ZDHHC19: variants seen among roughly 807,000 people sequenced by gnomAD.
The protein encoded by ZDHHC19 is zDHHC palmitoyltransferase 19, also known as palmitoyltransferase ZDHHC19.
A neutral mutation model predicts 33.9 loss-of-function variants in ZDHHC19; 30 were observed. The observed-to-expected ratio is 0.88, with a 90% CI of 0.66 to 1.20. The LOEUF is 1.20. ZDHHC19 is among the 50% of genes most tolerant of loss of function. The pLI, the probability that ZDHHC19 is intolerant of heterozygous loss-of-function variation, is 0.00. For missense variants in ZDHHC19, 364 were observed against 401.1 expected (o/e 0.91, Z 0.79); for synonymous variants, 178 against 167.6 (o/e 1.06, Z -0.48).
Position 196,203,977 on chromosome 3 carries a change from G to A in ZDHHC19, c.687+3421C>T, listed in dbSNP as rs965495557. Among the ~76,000 whole-genome samples, 1 of 152,016 alleles carries A rather than the reference G, an allele frequency of 6.6e-6. No individual in the cohort carries two copies. Among genetic ancestry groups the A allele is most frequent in the African/African-American group, 2.4e-5 (1 of 41,282 alleles). ...CATCAGTTTTCCTAGAACAGCCAGT[G>A]ACCTGCTGAAGGAGTCTCATGGCGC... On this transcript the variant is annotated intron_variant, in intron 5 of 7. Transcript: ENST00000296326. The surrounding 1 kb of genome is among the most constrained non-coding windows in gnomAD (Gnocchi z 4.3).
In ZDHHC19 at chr3:196,200,504, G is replaced by A. The variant is rs919205458; in HGVS notation, c.688-1630C>T. Among the ~76,000 whole-genome samples, 61 of 149,158 alleles carry A rather than the reference G, an allele frequency of 4.1e-4. 1 individual carries two copies. The highest frequency in any genetic ancestry group is 8.5e-4 in the African/African-American group (34 of 40,158). ...CAAGTAGCTGGGATTACAGGTGCTC[G>A]CCACCACGCCCAGCTAATTTTTTGT... On this transcript the variant is annotated intron_variant, in intron 5 of 7. Coordinates refer to ENST00000296326, the MANE Select transcript of ZDHHC19 (RefSeq NM_001039617.2).
At chr3:196,202,678 A>C (rs1020601157) in intron 5 of ZDHHC19, among the ~76,000 whole-genome samples, 1 of 152,228 alleles carries the variant, frequency 6.6e-6, no homozygotes, top group African/African-American at 2.4e-5. Context: ...CCCTGCGTGC[A>C]GTTTCACAAG....
At chr3:196,207,177 A>G (rs1376708683) in intron 5 of ZDHHC19, among the ~76,000 whole-genome samples, 2 of 152,162 alleles carry the variant, frequency 1.3e-5, no homozygotes, top group Non-Finnish European at 2.9e-5. Flanking sequence ...TCGCTCAAAG[A>G]ATCCAAACCG....
Position 196,203,609 on chromosome 3 carries a change from G to A in ZDHHC19, c.687+3789C>T, listed in dbSNP as rs1206675936. On this transcript the variant is annotated intron_variant, in intron 5 of 7. Transcript: ENST00000296326. This position sits in a 1 kb window ranked among gnomAD's most constrained non-coding sequence, Gnocchi z 4.3. ...GGGCTGCGGGAAGGAGCCCTGCCTG[G>A]TGAATCGCAGGCCACGTTAGGGTCC... is the stretch of plus-strand genomic sequence containing the variant. Among the ~76,000 whole-genome samples the A allele has an allele frequency of 6.6e-6, 1 of 152,210 alleles. No homozygotes were observed. Among genetic ancestry groups the A allele is most frequent in the Non-Finnish European group, 1.5e-5 (1 of 68,038 alleles).
At chr3:196,206,114 C>T (rs1356578823) in intron 5 of ZDHHC19, among the ~76,000 whole-genome samples, 5 of 151,912 alleles carry the variant, frequency 3.3e-5, no homozygotes, top group Admixed American at 1.3e-4. Context: ...TGCAATGACA[C>T]AATCTCGGCT....
In ZDHHC19 at chr3:196,203,089, G is replaced by A. The variant is rs1478765727; in HGVS notation, c.688-4215C>T. Among the ~76,000 whole-genome samples, 3 of 151,914 alleles carry A rather than the reference G, an allele frequency of 2.0e-5. No homozygotes were observed. Among genetic ancestry groups the A allele is most frequent in the Non-Finnish European group, 2.9e-5 (2 of 67,952 alleles). On this transcript the variant is annotated intron_variant, in intron 5 of 7. Transcript: ENST00000296326. This position sits in a 1 kb window ranked among gnomAD's most constrained non-coding sequence, Gnocchi z 4.3. ...AGCCTGGCCAACATGGTGAAACCCCGTCTCTACTAAAAATACAAAAAATCA... is the reference window on the plus strand; with the variant it reads ...AGCCTGGCCAACATGGTGAAACCCCATCTCTACTAAAAATACAAAAAATCA...
chr3:196,201,185 G>A (rs1044409192), intron 5 of ZDHHC19, among the ~76,000 whole-genome samples: 2 of 151,312 alleles, frequency 1.3e-5, no homozygotes, highest in Non-Finnish European at 2.9e-5. Context: ...CGATTCTTCT[G>A]CTTCAGCCTC....
intron 7 of ZDHHC19, 48 bp downstream of exon 7, chr3:196,198,228 C>A: frequency 2.8e-6 from 4 of 1,424,032 alleles, no homozygotes; most frequent in Non-Finnish European, 3.7e-6. Context: ...CCTGCAGACA[C>A]CCCCCTCCCG....
At chr3:196,202,243 C>G (rs568896092) in intron 5 of ZDHHC19, 20 of 152,102 alleles carry the variant, frequency 1.3e-4, no homozygotes, top group Non-Finnish European at 2.8e-4. Context: ...ATCACTTGAA[C>G]CCAGGAGGTG....
At chr3:196,209,060 G>A in intron 3 of ZDHHC19, 1 of 345,398 alleles carries the variant, frequency 2.9e-6, no homozygotes, top group South Asian at 5.4e-5. Flanking sequence ...CCAGCCTGAG[G>A]GGCTTGGGTA....
chr3:196,203,720 G>A lies in ZDHHC19; in HGVS notation c.687+3678C>T, dbSNP rs1422887262. 3.3e-5 allele frequency among the ~76,000 whole-genome samples: 5 copies of A among 152,224 alleles called. No homozygotes were observed. Among genetic ancestry groups the A allele is most frequent in the East Asian group, 1.9e-4 (1 of 5,206 alleles). ...AAGAACCACAGGATGTGAGAAGGGC[G>A]AAGGCTGCCCAGAAAAGGCTGAAAC... is the stretch of plus-strand genomic sequence containing the variant. On this transcript the variant is annotated intron_variant, in intron 5 of 7. Transcript: ENST00000296326. This position sits in a 1 kb window ranked among gnomAD's most constrained non-coding sequence, Gnocchi z 4.3.
Position 196,210,444 on chromosome 3 carries a change from G to GAAAAGAAAAGA in ZDHHC19, c.268+171_268+172insTCTTTTCTTTT, listed in dbSNP as rs113743596. Reference sequence around the variant, plus strand: ...AAGGAAAGAAAGAAAGAGAAAGAAAGAAAGAAAAGAGAAGAGAAGAAAGAG... The same window carrying GAAAAGAAAAGA: ...AAGGAAAGAAAGAAAGAGAAAGAAAGAAAAGAAAAGAAAAGAAAAGAGAAGAGAAGAAAGAG... On this transcript the variant is annotated intron_variant, in intron 2 of 7. Coordinates refer to ENST00000296326, the MANE Select transcript of ZDHHC19 (RefSeq NM_001039617.2). Among the ~76,000 whole-genome samples, 33 of 121,882 alleles carry GAAAAGAAAAGA rather than the reference G, an allele frequency of 2.7e-4. 1 individual carries two copies. Among genetic ancestry groups the GAAAAGAAAAGA allele is most frequent in the South Asian group, 4.7e-4 (2 of 4,272 alleles). 80.0% of individuals were successfully genotyped at this position (121,882 alleles called of 152,430 possible).
intron 2 of ZDHHC19, among the ~76,000 whole-genome samples, chr3:196,210,105 C>T (rs1234517118): frequency 6.6e-6 from 1 of 151,974 alleles, no homozygotes. Context: ...GCAGACGAAT[C>T]GCTTGAACCT....
Position 196,207,422 on chromosome 3 carries a change from C to G in ZDHHC19, c.663G>C (p.Ser221=). 1 of 1,568,888 alleles carries G rather than the reference C, an allele frequency of 6.4e-7. No individual in the cohort carries two copies. Among genetic ancestry groups the G allele is most frequent in the Non-Finnish European group, 8.6e-7 (1 of 1,158,084 alleles). ...LLLIQALSVS[S]ADRTYKGKCR... ...CCTTGCCCTTGTAGGTGCGGTCGGCCGAGCTCACGGACAGTGCCTGGATCA... is the reference window on the plus strand; with the variant it reads ...CCTTGCCCTTGTAGGTGCGGTCGGCGGAGCTCACGGACAGTGCCTGGATCA... Residue 221 remains serine (S), a synonymous_variant, in exon 5 of 8, where the codon TCG becomes TCC. Coordinates refer to ENST00000296326, the MANE Select transcript of ZDHHC19 (RefSeq NM_001039617.2).
At position 196,210,710 on chromosome 3, in the gene ZDHHC19, C is replaced by T. The variant is rs185019077; in HGVS notation, c.174G>A (p.Glu58=). The T allele has an allele frequency of 6.8e-5, 110 of 1,613,930 alleles. 1 individual carries two copies. In the Admixed American group the frequency reaches 1.8e-3, roughly 26 times the overall value. The change falls in exon 2 of 8, where the codon GAG becomes GAA. Residue 58 remains glutamate, a synonymous_variant. Coordinates refer to ENST00000296326, the MANE Select transcript of ZDHHC19 (RefSeq NM_001039617.2). ...FPCRWLAQNG[E]WAFPVITGSL... is the part of the protein sequence containing the mutation. The stretch of plus-strand genomic sequence containing the variant: ...AGCCTGTGATAACAGGAAAGGCCCA[C>T]TCCCCGTTCTGAGCCAGCCACCTGC...
In ZDHHC19 at chr3:196,210,726, AGCC is replaced by A; in HGVS notation, c.155_157del (p.Trp52del). The A allele has an allele frequency of 6.2e-7, 1 of 1,613,682 alleles. No individual in the cohort carries two copies. Among genetic ancestry groups the A allele is most frequent in the Non-Finnish European group, 8.5e-7 (1 of 1,179,840 alleles). Reference sequence around the variant, plus strand: ...AAAGGCCCACTCCCCGTTCTGAGCCAGCCACCTGCAACTGAGACCAGAGGCAGG... The same window carrying A: ...AAAGGCCCACTCCCCGTTCTGAGCCAACCTGCAACTGAGACCAGAGGCAGG... On this transcript the variant is annotated inframe_deletion, in exon 2 of 8. Transcript: ENST00000296326.
intron 2 of ZDHHC19, among the ~76,000 whole-genome samples, 182 bp downstream of exon 2, chr3:196,210,433 AG>A (rs1309987841): frequency 1.3e-4 from 16 of 125,784 alleles, no homozygotes; most frequent in African/African-American, 5.1e-4. Context: ...AAAGAAAGAA[AG>A]AGAAAGAAAG....
chr3:196,198,588 G>T (rs765212178), intron 6 of ZDHHC19, 137 bp from the exon 7 acceptor site: 6 of 1,548,442 alleles, frequency 3.9e-6, no homozygotes, highest in Non-Finnish European at 5.2e-6. Flanking sequence ...GGATGCAGCA[G>T]CCCTGTATGC....
rs1184542905 is a variant in ZDHHC19 at position 196,209,414 on chromosome 3, G to A, written c.370C>T (p.Arg124Trp). 8 of 1,607,320 alleles carry A rather than the reference G, an allele frequency of 5.0e-6. No homozygotes were observed. The highest frequency in any genetic ancestry group is 2.2e-5 in the East Asian group (1 of 44,648). ...CPKCCFHRPP[R>W]TYHCPWCNIC... ...TTGCACCAGGGGCAGTGGTAAGTCCGGGGCGGGCGGTGGAAGCAGCACTTT... is the reference window on the plus strand; with the variant it reads ...TTGCACCAGGGGCAGTGGTAAGTCCAGGGCGGGCGGTGGAAGCAGCACTTT... Residue 124 changes from arginine to tryptophan, a missense_variant, in exon 3 of 8, where the codon CGG becomes TGG. Arg to Trp is a moderately radical substitution (Grantham distance 101). Transcript: ENST00000296326.
Sources: allele counts gnomAD v4.1 joint callset (sites outside exome capture counted in the v4.1 genomes callset), GRCh38; gene constraint gnomAD v4.1.1; non-coding constraint Gnocchi (gnomAD v3.1); transcripts MANE v1.5; gene names NCBI Gene and HGNC (gene_info 2026-07-23, HGNC 2026-07-21).